Variants in COLEC10 observed in about 807,000 individuals in gnomAD.
COLEC10 encodes collectin subfamily member 10.
In COLEC10, 22 loss-of-function variants were observed where a neutral mutation model predicts 28.4. The ratio of observed to expected loss-of-function variants is 0.78; its 90% CI spans 0.55 to 1.11. The LOEUF is 1.11. Among genes scored for constraint, COLEC10 ranks in the 50% least tolerant of loss-of-function variants. COLEC10 has a pLI of 0.00. For synonymous variants in COLEC10, 125 were observed against 116.1 expected (o/e 1.08, Z -0.49); for missense variants, 361 against 344.1 (o/e 1.05, Z -0.39).
chr8:119,048,005 G>A (rs1285323050), intron 2 of COLEC10, among the ~76,000 whole-genome samples: 8 of 152,128 alleles, frequency 5.3e-5, no homozygotes, highest in African/African-American at 1.4e-4. Flanking sequence ...TGAAAAGTTG[G>A]GGGTTTTTTA....
chr8:119,010,515 A>T (rs1222845259), intron 2 of COLEC10, among the ~76,000 whole-genome samples: 10 of 150,904 alleles, frequency 6.6e-5, no homozygotes. Context: ...CTATTAGTTA[A>T]ATATCAAGGA....
At chr8:119,104,831 T>C (rs367973953) in intron 5 of COLEC10, among the ~76,000 whole-genome samples, 63 of 152,310 alleles carry the variant, frequency 4.1e-4, no homozygotes, top group Middle Eastern at 3.4e-3. Flanking sequence ...AGCCAGATCA[T>C]ACAGGGAGAA....
At chr8:119,074,146 A>G (rs1232008588) in intron 1 of COLEC10, among the ~76,000 whole-genome samples, 3 of 152,036 alleles carry the variant, frequency 2.0e-5, no homozygotes, top group African/African-American at 7.2e-5. Context: ...AACAGAGGCT[A>G]GGAAGGGGAG....
intron 2 of COLEC10, among the ~76,000 whole-genome samples, chr8:119,047,941 A>C (rs923601030): frequency 6.6e-6 from 1 of 152,190 alleles, no homozygotes; most frequent in South Asian, 2.1e-4. Context: ...CAAAGAAAAA[A>C]ATTATTATTT....
intron 2 of COLEC10, among the ~76,000 whole-genome samples, chr8:119,018,666 A>G (rs994406034): frequency 3.3e-5 from 5 of 152,340 alleles, no homozygotes; most frequent in South Asian, 2.1e-4. Context: ...TGATCCTAAT[A>G]TGATTTTTTA....
chr8:119,086,266 A>G (rs1286580461), intron 1 of COLEC10, among the ~76,000 whole-genome samples: 1 of 152,194 alleles, frequency 6.6e-6, no homozygotes, highest in Non-Finnish European at 1.5e-5. Context: ...ATTTCAGTTT[A>G]TAGCTTTTCA....
chr8:119,049,955 A>AT (rs1814649196), intron 2 of COLEC10, among the ~76,000 whole-genome samples: 1 of 152,210 alleles, frequency 6.6e-6, no homozygotes, highest in African/African-American at 2.4e-5. Flanking sequence ...GAGAGTTAAT[A>AT]TGGCTTTGAG....
the COLEC10 span, among the ~76,000 whole-genome samples, chr8:118,965,931 G>A: frequency 6.6e-6 from 1 of 152,028 alleles, no homozygotes; most frequent in Non-Finnish European, 1.5e-5. Context: ...ATTTGAATGG[G>A]TGGCTGTTGA....
chr8:118,970,234 G>A, the COLEC10 span, among the ~76,000 whole-genome samples: 2 of 152,026 alleles, frequency 1.3e-5, no homozygotes, highest in Admixed American at 6.6e-5. Flanking sequence ...TATTTAAGGA[G>A]TAGCAAATTA....
At chr8:119,049,401 CTTTTTTTTTTTTTTTTTTTTT>C (rs34885340) in intron 2 of COLEC10, among the ~76,000 whole-genome samples, 1 of 60,082 alleles carries the variant, frequency 1.7e-5, no homozygotes, top group Non-Finnish European at 2.9e-5. Flanking sequence ...ATTTTCTTTT[CTTTTTTTTTTTTTTTTTTTTT>C]TTTTTTTTTT....
the COLEC10 span, among the ~76,000 whole-genome samples, chr8:118,987,513 G>A: frequency 6.6e-6 from 1 of 152,124 alleles, no homozygotes; most frequent in Non-Finnish European, 1.5e-5. Flanking sequence ...GCAGTGAGCC[G>A]AGATCGCACC....
At chr8:118,967,875 G>A in the COLEC10 span, among the ~76,000 whole-genome samples, 17 of 152,052 alleles carry the variant, frequency 1.1e-4, no homozygotes, top group Non-Finnish European at 2.9e-5. Context: ...AAACCCTAAA[G>A]TATCACAACA....
At chr8:119,069,923 T>G (rs575143443) in intron 1 of COLEC10, among the ~76,000 whole-genome samples, 1 of 152,090 alleles carries the variant, frequency 6.6e-6, no homozygotes, top group South Asian at 2.1e-4. Flanking sequence ...GCTCAGAAGT[T>G]TCTAGATACT....
the COLEC10 span, among the ~76,000 whole-genome samples, chr8:118,977,963 G>T: frequency 7.9e-5 from 12 of 151,630 alleles, no homozygotes. Context: ...ATCCTTCCAG[G>T]GTCAAACATA....
At chr8:119,003,324 T>G (rs2130067410) in intron 1 of COLEC10, among the ~76,000 whole-genome samples, 1 of 152,232 alleles carries the variant, frequency 6.6e-6, no homozygotes, top group Middle Eastern at 3.4e-3. Flanking sequence ...AAATGAAGTA[T>G]ACTTTATGCC....
intron 2 of COLEC10, among the ~76,000 whole-genome samples, chr8:119,026,729 G>A (rs1814198890): frequency 6.6e-6 from 1 of 152,110 alleles, no homozygotes; most frequent in Non-Finnish European, 1.5e-5. Flanking sequence ...ATCAGGTTTG[G>A]GCAAAAAGGG....
chr8:119,035,729 G>C (rs1041312876), intron 2 of COLEC10, among the ~76,000 whole-genome samples: 1 of 152,138 alleles, frequency 6.6e-6, no homozygotes, highest in Non-Finnish European at 1.5e-5. Context: ...ACAATTACAT[G>C]GTTTTGGGCC....
At chr8:119,013,762 G>A (rs1291106959) in intron 2 of COLEC10, among the ~76,000 whole-genome samples, 1 of 150,410 alleles carries the variant, frequency 6.6e-6, no homozygotes, top group Non-Finnish European at 1.5e-5. Flanking sequence ...TTAAAGTCTT[G>A]TTTGTCTGGA....
chr8:118,960,105 A>G, the COLEC10 span, among the ~76,000 whole-genome samples: 124 of 152,286 alleles, frequency 8.1e-4, no homozygotes, highest in Non-Finnish European at 1.6e-3. Context: ...AGGCAGGAGA[A>G]ACAAGGCTAC....
Sources: gnomAD v4.1 joint callset for allele counts (sites outside exome capture counted in the v4.1 genomes callset) on GRCh38, gnomAD v4.1.1 for gene constraint, MANE v1.5 for transcripts, NCBI Gene and HGNC (gene_info 2026-07-23, HGNC 2026-07-21) for gene names.